Variants in LRRC57 observed in about 807,000 individuals in gnomAD.
LRRC57 encodes leucine rich repeat containing 57.
Under a neutral mutation model 23.1 loss-of-function variants are expected in LRRC57, and 14 were observed. The observed-to-expected ratio is 0.61, with a 90% CI of 0.40 to 0.95. The LOEUF (loss-of-function observed/expected upper bound fraction) is 0.95. Ranked by LOEUF, LRRC57 falls within the 40% of genes least tolerant of loss-of-function variation. LRRC57 has a pLI of 0.00. For synonymous variants in LRRC57, 106 were observed against 115.2 expected, an observed-to-expected ratio of 0.92 and a Z score of 0.51; for missense variants, 236 against 284.4, an observed-to-expected ratio of 0.83 and a Z score of 1.22.
chr15:42,545,484 C>A (rs2057654863), intron 4 of LRRC57: 2 of 322,838 alleles, frequency 6.2e-6, no homozygotes, highest in Non-Finnish European at 1.1e-5. Flanking sequence ...ATGAAGGTCA[C>A]CCATGGCTTT....
downstream of LRRC57, among the ~76,000 whole-genome samples, chr15:42,537,229 T>TCACACACACACACA (rs1445243515): frequency 3.7e-5 from 4 of 109,000 alleles, no homozygotes; most frequent in African/African-American, 2.2e-4. Flanking sequence ...TCTCTCTCTC[T>TCACACACACACACA]CTCTCACACA....
At chr15:42,548,276 C>T in intron 2 of LRRC57, 32 bp from the exon 3 acceptor site, 2 of 1,613,986 alleles carry the variant, frequency 1.2e-6, no homozygotes, top group East Asian at 2.2e-5. Flanking sequence ...GTGGGGAATC[C>T]CGCACCGACT....
At chr15:42,545,376 CCT>C (rs1393168575) in intron 4 of LRRC57, 114 bp from the exon 5 acceptor site, 7 of 617,442 alleles carry the variant, frequency 1.1e-5, no homozygotes, top group Non-Finnish European at 1.5e-5. Flanking sequence ...CTAGTTTTCC[CCT>C]CTTTTACCAC....
chr15:42,537,233 T>TCACACACACACACA (rs71108166), downstream of LRRC57, among the ~76,000 whole-genome samples: 107 of 136,584 alleles, frequency 7.8e-4, no homozygotes, highest in African/African-American at 3.0e-3. Context: ...TCTCTCTCTC[T>TCACACACACACACA]CACACACACA....
In LRRC57 at chr15:42,543,927, G is replaced by A; in HGVS notation, c.*156C>T. ...TTTTAGCTTATTTGAGAAGAGCCCT[G>A]AAATGAGAAAAGATCATTGAGTGAA... is the stretch of plus-strand genomic sequence containing the variant. On this transcript the variant is annotated 3_prime_UTR_variant, in exon 6 of 6. Coordinates refer to ENST00000397130, the MANE Select transcript of LRRC57 (RefSeq NM_153260.3). 1.8e-6 allele frequency: 1 copy of A among 549,486 alleles called. No homozygotes were observed. Among genetic ancestry groups the A allele is most frequent in the East Asian group, 2.7e-5 (1 of 37,218 alleles). 34.0% of individuals were successfully genotyped at this position (549,486 alleles called of 1,614,324 possible).
Position 42,544,056 on chromosome 15 carries a change from G to A in LRRC57, c.*27C>T. 6.2e-7 allele frequency: 1 copy of A among 1,607,054 alleles called. No homozygotes were observed. Among genetic ancestry groups the A allele is most frequent in the Non-Finnish European group, 8.5e-7 (1 of 1,174,716 alleles). ...AACAGAGGTTCTAAGTCAGTATCCT[G>A]TAAGGTTTCCATAGTCCTGGAGAAC... On this transcript the variant is annotated 3_prime_UTR_variant, in exon 6 of 6. Transcript: ENST00000397130.
At chr15:42,548,060 G>T in intron 3 of LRRC57, 46 bp downstream of exon 3, 1 of 1,606,866 alleles carries the variant, frequency 6.2e-7, no homozygotes, top group Non-Finnish European at 8.5e-7. Flanking sequence ...AACCACCCCT[G>T]GTAACAGCTG....
intron 4 of LRRC57, 151 bp downstream of exon 4, chr15:42,547,110 T>A (rs1358713178): frequency 3.0e-5 from 25 of 824,448 alleles, no homozygotes; most frequent in Non-Finnish European, 4.4e-5. Context: ...CTTTGGGCCT[T>A]GAAATTAGTT....
intron 4 of LRRC57, among the ~76,000 whole-genome samples, chr15:42,546,500 G>A (rs190403051): frequency 2.8e-3 from 433 of 152,206 alleles, no homozygotes; most frequent in African/African-American, 9.9e-3. Context: ...TCATCATGAT[G>A]TAAAATCACT....
At position 42,539,015 on chromosome 15, in the gene LRRC57, TC is replaced by T. The variant is rs2057614567; in HGVS notation, c.*5067del. 6.6e-6 allele frequency: 1 copy of T among 151,928 alleles called. No homozygotes were observed. Among genetic ancestry groups the T allele is most frequent in the African/African-American group, 2.4e-5 (1 of 41,424 alleles). 9.4% of individuals were successfully genotyped at this position (151,928 alleles called of 1,614,324 possible). ...GGGGAACACAGGAAGACCCCGTCTTTCTAAAAAATTAAAAATTAGCTGAGTG... is the reference window on the plus strand; with the variant it reads ...GGGGAACACAGGAAGACCCCGTCTTTTAAAAAATTAAAAATTAGCTGAGTG... On this transcript the variant is annotated 3_prime_UTR_variant, in exon 6 of 6. Coordinates refer to ENST00000397130, the MANE Select transcript of LRRC57 (RefSeq NM_153260.3).
chr15:42,537,254 C>CACACACACACACACACACAT (rs796745969), downstream of LRRC57, among the ~76,000 whole-genome samples: 68 of 151,464 alleles, frequency 4.5e-4, no homozygotes, highest in African/African-American at 1.6e-3. Flanking sequence ...CACACACACA[C>CACACACACACACACACACAT]ACACACACAC....
chr15:42,530,740 A>T, the LRRC57 span, among the ~76,000 whole-genome samples: 3 of 152,066 alleles, frequency 2.0e-5, no homozygotes, highest in African/African-American at 4.8e-5. Flanking sequence ...ACAGAGTGAG[A>T]CCCTTTCTCA....
intron 5 of LRRC57, among the ~76,000 whole-genome samples, chr15:42,544,842 C>CACAATATATATATATA: frequency 3.1e-5 from 3 of 98,030 alleles, no homozygotes; most frequent in African/African-American, 2.0e-4. Flanking sequence ...CACACACACA[C>CACAATATATATATATA]TATATATATA....
chr15:42,543,776 C>CATAT lies in LRRC57; in HGVS notation c.*303_*306dup, dbSNP rs2057642843. 2 of 281,778 alleles carry CATAT rather than the reference C, an allele frequency of 7.1e-6. No homozygotes were observed. Among genetic ancestry groups the CATAT allele is most frequent in the Non-Finnish European group, 1.3e-5 (2 of 151,196 alleles). The allele number at this position is 281,778 out of a possible 1,614,324, so 17.5% of individuals were successfully genotyped here. ...CTGTTACCAGGCAGCACCCCCTCAC[C>CATAT]ATATAAATAGCAGCTAGCTACTGGT... On this transcript the variant is annotated 3_prime_UTR_variant, in exon 6 of 6. Transcript: ENST00000397130.
chr15:42,544,189 A>C, intron 5 of LRRC57, 65 bp from the exon 6 acceptor site: 1 of 1,257,248 alleles, frequency 8.0e-7, no homozygotes, highest in South Asian at 1.4e-5. Context: ...AAGCCTAACT[A>C]TTTTTTTTTT....
At chr15:42,547,056 C>A (rs1415190767) in intron 4 of LRRC57, among the ~76,000 whole-genome samples, 1 of 152,148 alleles carries the variant, frequency 6.6e-6, no homozygotes, top group East Asian at 1.9e-4. Context: ...CCCCAAAACA[C>A]CTACACAACT....
At position 42,544,107 on chromosome 15, in the gene LRRC57, T is replaced by A; in HGVS notation, c.696A>T (p.Thr232=). 1 of 1,613,250 alleles carries A rather than the reference T, an allele frequency of 6.2e-7. No individual in the cohort carries two copies. The change falls in exon 6 of 6, where the codon ACA becomes ACT. Residue 232 remains threonine, a synonymous_variant. Coordinates refer to ENST00000397130, the MANE Select transcript of LRRC57 (RefSeq NM_153260.3). The part of the protein sequence containing the change: ...EGYDKYMERF[T]ATKKKFA ...TTCACGCAAACTTCTTCTTGGTGGC[T>A]GTGAACCTCTCCATGTACTAAAAAA...
Position 42,548,206 on chromosome 15 carries a change from C to T in LRRC57, c.123G>A (p.Arg41=), listed in dbSNP as rs765161648. The T allele has an allele frequency of 2.5e-6, 4 of 1,614,072 alleles. No homozygotes were observed. The Admixed American group carries it at 6.7e-5, about 27-fold the overall frequency. The part of the protein sequence containing the change: ...ADLQKLTSNL[R]TIDLSNNKIE... ...TCTTGTTGTTGGACAAGTCGATGGT[C>T]CTGAGATTGCTCGTCAGCTTCTGCA... Residue 41 remains arginine (R), a synonymous_variant, in exon 3 of 6, where the codon AGG becomes AGA. Coordinates refer to ENST00000397130, the MANE Select transcript of LRRC57 (RefSeq NM_153260.3).
At chr15:42,528,495 A>G in the LRRC57 span, 2 of 1,324,214 alleles carry the variant, frequency 1.5e-6, no homozygotes, top group Non-Finnish European at 2.1e-6. Flanking sequence ...TTAGCAGTAC[A>G]TGACCCCTAA....
Sources: allele counts gnomAD v4.1 joint callset (sites outside exome capture counted in the v4.1 genomes callset), GRCh38; gene constraint gnomAD v4.1.1; transcripts MANE v1.5; gene names NCBI Gene and HGNC (gene_info 2026-07-23, HGNC 2026-07-21).